DNAH11: variants seen among roughly 807,000 people sequenced by gnomAD.
The protein encoded by DNAH11 is axonemal beta dynein heavy chain 11.
A neutral mutation model predicts 526.0 loss-of-function variants in DNAH11; 442 were observed. The observed-to-expected ratio is 0.84, with a 90% CI of 0.78 to 0.91. The LOEUF is 0.91. Ranked by LOEUF, DNAH11 falls within the 40% of genes least tolerant of loss-of-function variation. The pLI, the probability that DNAH11 is intolerant of heterozygous loss-of-function variation, is 0.00. For missense variants in DNAH11, 6,989 were observed against 5,448.7 expected, an observed-to-expected ratio of 1.28 and a Z score of -8.90; for synonymous variants, 2,461 against 1,935.9, an observed-to-expected ratio of 1.27 and a Z score of -7.12.
intron 76 of DNAH11, among the ~76,000 whole-genome samples, chr7:21,890,166 T>C (rs1011686546): frequency 1.3e-5 from 2 of 152,226 alleles, no homozygotes; most frequent in Non-Finnish European, 2.9e-5. Flanking sequence ...GATGAAAAGA[T>C]TGAAATGCAG....
At chr7:21,781,344 C>T (rs1163046716) in intron 57 of DNAH11, among the ~76,000 whole-genome samples, 1 of 152,166 alleles carries the variant, frequency 6.6e-6, no homozygotes, top group African/African-American at 2.4e-5. Flanking sequence ...ATCATTGCTT[C>T]AAATCTATAA....
intron 46 of DNAH11, 142 bp from the exon 47 acceptor site, chr7:21,738,559 G>A (rs1312096136): frequency 1.7e-5 from 13 of 743,608 alleles, no homozygotes; most frequent in East Asian, 1.4e-4. Flanking sequence ...GACACATCCC[G>A]GGTCTCTTAA....
chr7:21,717,906 C>G lies in DNAH11; in HGVS notation c.7115C>G (p.Pro2372Arg), dbSNP rs1428341575. Residue 2372 changes from proline to arginine, a missense_variant, in exon 43 of 82, where the codon CCT (proline) becomes CGT (arginine). Transcript: ENST00000409508. ...RTSFKTITSI[P>R]ESSLVQTLCV... is the part of the protein sequence containing the mutation. Reference sequence around the variant, plus strand: ...AGCTTTAAAACCATCACTTCAATTCCTGAGAGTAGCCTGGTGCAGGTTTGT... The same window carrying G: ...AGCTTTAAAACCATCACTTCAATTCGTGAGAGTAGCCTGGTGCAGGTTTGT... 5.0e-6 allele frequency: 8 copies of G among 1,613,332 alleles called. No individual in the cohort carries two copies. The highest frequency in any genetic ancestry group is 6.8e-6 in the Non-Finnish European group (8 of 1,179,568).
intron 40 of DNAH11, among the ~76,000 whole-genome samples, chr7:21,708,113 G>T (rs1210982601): frequency 3.3e-5 from 5 of 152,170 alleles, no homozygotes; most frequent in Non-Finnish European, 7.3e-5. Context: ...AAGTCAACAT[G>T]AATGCCTCAG....
intron 73 of DNAH11, among the ~76,000 whole-genome samples, chr7:21,872,671 T>G (rs1269988672): frequency 6.6e-6 from 1 of 152,256 alleles, no homozygotes; most frequent in Non-Finnish European, 1.5e-5. Flanking sequence ...GGCATTTAAT[T>G]TTTTGTGTGT....
chr7:21,776,782 T>A (rs1404593819), intron 56 of DNAH11, among the ~76,000 whole-genome samples: 2 of 152,190 alleles, frequency 1.3e-5, no homozygotes, highest in Non-Finnish European at 2.9e-5. Flanking sequence ...GATAATAGAT[T>A]CAGAAGAAAT....
chr7:21,671,543 CT>C (rs1267909437), intron 30 of DNAH11, among the ~76,000 whole-genome samples: 2 of 151,700 alleles, frequency 1.3e-5, no homozygotes, highest in Non-Finnish European at 2.9e-5. Flanking sequence ...TTTTTTTTCT[CT>C]TTTTTTTCTT....
intron 25 of DNAH11, among the ~76,000 whole-genome samples, chr7:21,621,660 G>T (rs1242143355): frequency 4.0e-5 from 6 of 151,650 alleles, no homozygotes; most frequent in Admixed American, 2.0e-4. Context: ...ATGCAAGGCT[G>T]GTTCAATACA....
chr7:21,762,334 C>A (rs914643612), intron 54 of DNAH11, among the ~76,000 whole-genome samples: 2 of 152,100 alleles, frequency 1.3e-5, no homozygotes, highest in South Asian at 4.2e-4. Flanking sequence ...GGATACTATG[C>A]CAGTTACAAG....
intron 73 of DNAH11, among the ~76,000 whole-genome samples, chr7:21,869,563 A>G (rs1783420125): frequency 1.3e-5 from 2 of 152,064 alleles, no homozygotes; most frequent in Admixed American, 1.3e-4. Context: ...CAGATTGAAT[A>G]CCAGGCCACT....
intron 73 of DNAH11, among the ~76,000 whole-genome samples, chr7:21,871,480 A>G (rs1224613851): frequency 1.3e-5 from 2 of 152,240 alleles, no homozygotes; most frequent in Non-Finnish European, 2.9e-5. Context: ...CCCTTCAGTG[A>G]CTCCAAAGTC....
chr7:21,547,258 TC>T (rs1782840042), intron 2 of DNAH11, among the ~76,000 whole-genome samples: 1 of 152,230 alleles, frequency 6.6e-6, no homozygotes, highest in Admixed American at 6.5e-5. Context: ...TAGTGTTTTA[TC>T]CACAGCTCAT....
chr7:21,748,831 C>A (rs1363964028), intron 52 of DNAH11, 89 bp downstream of exon 52: 2 of 1,382,688 alleles, frequency 1.4e-6, no homozygotes, highest in African/African-American at 2.9e-5. Context: ...GCTGTGACTC[C>A]CAGATTTGGC....
intron 55 of DNAH11, among the ~76,000 whole-genome samples, chr7:21,766,038 T>A (rs754708282): frequency 6.6e-6 from 1 of 152,188 alleles, no homozygotes; most frequent in Non-Finnish European, 1.5e-5. Flanking sequence ...GTTATTCTCA[T>A]AGTAGCAATA....
intron 45 of DNAH11, among the ~76,000 whole-genome samples, chr7:21,729,622 T>TA (rs1400678461): frequency 4.6e-5 from 7 of 152,160 alleles, no homozygotes; most frequent in Non-Finnish European, 1.0e-4. Flanking sequence ...GGTTCTATCT[T>TA]ACACAGAACA....
intron 26 of DNAH11, among the ~76,000 whole-genome samples, 164 bp downstream of exon 26, chr7:21,636,259 T>A (rs950296180): frequency 6.6e-6 from 1 of 152,174 alleles, no homozygotes; most frequent in Non-Finnish European, 1.5e-5. Flanking sequence ...GCTGTGTGGA[T>A]CATGCAGCCT....
At chr7:21,800,832 C>T (rs1384173875) in intron 61 of DNAH11, among the ~76,000 whole-genome samples, 2 of 152,118 alleles carry the variant, frequency 1.3e-5, no homozygotes, top group Non-Finnish European at 2.9e-5. Flanking sequence ...TGATAGTGCA[C>T]CCACGGCGTA....
chr7:21,574,171 A>C (rs987826162), intron 8 of DNAH11, among the ~76,000 whole-genome samples: 1 of 152,164 alleles, frequency 6.6e-6, no homozygotes, highest in Non-Finnish European at 1.5e-5. Flanking sequence ...TTCATTATTA[A>C]TGTTGAACAG....
chr7:21,671,254 T>C (rs976035474), intron 30 of DNAH11, among the ~76,000 whole-genome samples: 20 of 152,228 alleles, frequency 1.3e-4, no homozygotes, highest in African/African-American at 4.3e-4. Flanking sequence ...TAATTCAGCA[T>C]GTGGCAAATT....
Sources: gnomAD v4.1 joint callset for allele counts (sites outside exome capture counted in the v4.1 genomes callset) on GRCh38, gnomAD v4.1.1 for gene constraint, MANE v1.5 for transcripts, NCBI Gene and HGNC (gene_info 2026-07-23, HGNC 2026-07-21) for gene names.